SNRPA1: variants seen among roughly 807,000 people sequenced by gnomAD.
SNRPA1 encodes small nuclear ribonucleoprotein polypeptide A'.
A neutral mutation model predicts 32.3 loss-of-function variants in SNRPA1; 5 were observed. The ratio of observed to expected loss-of-function variants is 0.15; its 90% CI spans 0.08 to 0.33. SNRPA1 has a LOEUF of 0.33. Ranked by LOEUF, SNRPA1 falls within the 10% of genes least tolerant of loss-of-function variation. SNRPA1 has a pLI of 1.00. For synonymous variants in SNRPA1, 111 were observed against 120.1 expected (o/e 0.92, Z 0.50); for missense variants, 198 against 311.1 (o/e 0.64, Z 2.74).
chr15:101,285,168 CAGG>C, intron 7 of SNRPA1, 108 bp from the exon 8 acceptor site: 1 of 736,766 alleles, frequency 1.4e-6, no homozygotes, highest in Non-Finnish European at 2.4e-6. Context: ...ACTTCTCCAT[CAGG>C]AACATTAAAT....
chr15:101,287,141 T>C (rs867178534), intron 4 of SNRPA1, 131 bp from the exon 5 acceptor site: 1 of 526,940 alleles, frequency 1.9e-6, no homozygotes, highest in Non-Finnish European at 3.4e-6. Flanking sequence ...ATTGTAACAA[T>C]TTAACATTAA....
intron 3 of SNRPA1, 150 bp downstream of exon 3, chr15:101,291,812 G>A: frequency 1.8e-6 from 1 of 553,172 alleles, no homozygotes; most frequent in Non-Finnish European, 3.2e-6. Flanking sequence ...ACATACGGCT[G>A]CAGAACCCAA....
At chr15:101,287,924 T>A (rs557001872) in intron 3 of SNRPA1, 3 of 485,346 alleles carry the variant, frequency 6.2e-6, no homozygotes, top group African/African-American at 5.8e-5. Flanking sequence ...TCTGTCTCAA[T>A]AGCAGGAGAT....
chr15:101,283,614 G>A (rs1203409690), intron 8 of SNRPA1, among the ~76,000 whole-genome samples: 1 of 151,722 alleles, frequency 6.6e-6, no homozygotes, highest in East Asian at 2.0e-4. Flanking sequence ...GACTCCCAGA[G>A]GCCCACAAAC....
At chr15:101,292,905 GAAAAAGAA>G in intron 2 of SNRPA1, 112 bp downstream of exon 2, 1 of 534,366 alleles carries the variant, frequency 1.9e-6, no homozygotes, top group African/African-American at 2.0e-5. Flanking sequence ...AAATAAAAAA[GAAAAAGAA>G]AAAGAAAAAG....
chr15:101,295,226 G>T lies in SNRPA1; in HGVS notation c.-48C>A. ...CGCTGTGGAAAGCCCGTGGCCTCCC[G>T]CCAGCGAGACGTCCCAGCGTGCCCC... On this transcript the variant is annotated 5_prime_UTR_variant, in exon 1 of 9. Coordinates refer to ENST00000254193, the MANE Select transcript of SNRPA1 (RefSeq NM_003090.4). 6.9e-7 allele frequency: 1 copy of T among 1,453,318 alleles called. No individual in the cohort carries two copies. The highest frequency in any genetic ancestry group is 9.1e-7 in the Non-Finnish European group (1 of 1,094,604). 90.0% of individuals were successfully genotyped at this position (1,453,318 alleles called of 1,614,324 possible). A position where few individuals can be genotyped will look rare whatever the true frequency, so the allele number is the denominator to read the frequency against.
At chr15:101,292,348 A>G (rs1424313661) in intron 2 of SNRPA1, among the ~76,000 whole-genome samples, 4 of 152,350 alleles carry the variant, frequency 2.6e-5, no homozygotes, top group East Asian at 1.9e-4. Context: ...GCAGCACAGA[A>G]ATACAAATAA....
At chr15:101,282,552 A>G (rs1249266018) in intron 8 of SNRPA1, among the ~76,000 whole-genome samples, 1 of 152,244 alleles carries the variant, frequency 6.6e-6, no homozygotes. Flanking sequence ...TCAAGGTTAG[A>G]TGGCAGTGTA....
intron 8 of SNRPA1, 26 bp from the exon 9 acceptor site, chr15:101,281,808 T>C: frequency 1.9e-6 from 3 of 1,610,078 alleles, no homozygotes; most frequent in Non-Finnish European, 1.7e-6. Flanking sequence ...AAAGCAAAAG[T>C]AGTATCAATT....
chr15:101,292,760 G>T, intron 2 of SNRPA1: 1 of 249,632 alleles, frequency 4.0e-6, no homozygotes, highest in Non-Finnish European at 7.5e-6. Flanking sequence ...TTTCTGAACA[G>T]ATACAAGTAA....
At chr15:101,291,924 C>T (rs375685472) in intron 3 of SNRPA1, 38 bp downstream of exon 3, 1 of 1,359,988 alleles carries the variant, frequency 7.4e-7, no homozygotes, top group Non-Finnish European at 1.0e-6. Flanking sequence ...TACCTTTAAC[C>T]CCACCCACCA....
chr15:101,283,728 G>A (rs1050310912), intron 8 of SNRPA1, among the ~76,000 whole-genome samples: 1 of 152,158 alleles, frequency 6.6e-6, no homozygotes, highest in East Asian at 1.9e-4. Flanking sequence ...GGTGGATCAC[G>A]GGGTCAAGAG....
intron 3 of SNRPA1, among the ~76,000 whole-genome samples, chr15:101,290,798 G>A (rs918807107): frequency 2.9e-4 from 42 of 145,610 alleles, no homozygotes; most frequent in Admixed American, 1.4e-4. Flanking sequence ...CTGGAGTGCA[G>A]TGGCATGATC....
intron 3 of SNRPA1, 65 bp downstream of exon 3, chr15:101,291,897 C>T: frequency 1.0e-6 from 1 of 989,826 alleles, no homozygotes; most frequent in South Asian, 1.4e-5. Flanking sequence ...TGTAAATTTT[C>T]TGTAGGAAGC....
In SNRPA1 at chr15:101,295,219, G is replaced by A. The variant is rs377456662; in HGVS notation, c.-41C>T. Reference sequence around the variant, plus strand: ...TCCCCCGCGCTGTGGAAAGCCCGTGGCCTCCCGCCAGCGAGACGTCCCAGC... The same window carrying A: ...TCCCCCGCGCTGTGGAAAGCCCGTGACCTCCCGCCAGCGAGACGTCCCAGC... On this transcript the variant is annotated 5_prime_UTR_variant, in exon 1 of 9. Coordinates refer to ENST00000254193, the MANE Select transcript of SNRPA1 (RefSeq NM_003090.4). 5.1e-5 allele frequency: 76 copies of A among 1,479,926 alleles called. No homozygotes were observed. The highest frequency in any genetic ancestry group is 3.1e-4 in the East Asian group (11 of 34,976). The allele number at this position is 1,479,926 out of a possible 1,614,324, so 91.7% of individuals were successfully genotyped here. A position where few individuals can be genotyped will look rare whatever the true frequency, so the allele number is the denominator to read the frequency against.
intron 8 of SNRPA1, 38 bp from the exon 9 acceptor site, chr15:101,281,820 T>C: frequency 2.5e-6 from 4 of 1,594,406 alleles, no homozygotes; most frequent in Non-Finnish European, 3.4e-6. Flanking sequence ...GTATCAATTT[T>C]AGAGAATCCA....
chr15:101,293,399 G>A (rs1057061033), intron 1 of SNRPA1: 11 of 382,854 alleles, frequency 2.9e-5, no homozygotes, highest in African/African-American at 2.3e-4. Context: ...AGAATCTGAT[G>A]ACAACAAGGA....
At chr15:101,285,272 G>A (rs937263846) in intron 7 of SNRPA1, 2 of 533,356 alleles carry the variant, frequency 3.7e-6, no homozygotes, top group Non-Finnish European at 6.8e-6. Context: ...AGAGATGCAG[G>A]CCTTCTTATA....
At chr15:101,294,810 A>T (rs2039569447) in intron 1 of SNRPA1, 1 of 374,580 alleles carries the variant, frequency 2.7e-6, no homozygotes, top group East Asian at 3.9e-5. Flanking sequence ...GCGGCGAAAC[A>T]GCCAAGCAAG....
Sources: gnomAD v4.1 joint callset for allele counts (sites outside exome capture counted in the v4.1 genomes callset) on GRCh38, gnomAD v4.1.1 for gene constraint, MANE v1.5 for transcripts, NCBI Gene and HGNC (gene_info 2026-07-23, HGNC 2026-07-21) for gene names.